WNT3A: variants seen among roughly 807,000 people sequenced by gnomAD.
WNT3A encodes protein Wnt-3a.
WNT3A carries 17 observed loss-of-function variants against 37.0 expected under a neutral mutation model. That is an observed-to-expected ratio of 0.46 (90% CI 0.31 to 0.69). The LOEUF (loss-of-function observed/expected upper bound fraction) is 0.69, where lower values mean the gene tolerates loss of function less well. Ranked by LOEUF, WNT3A falls within the 30% of genes least tolerant of loss-of-function variation. The pLI is 0.05. For synonymous variants in WNT3A, 187 were observed against 211.0 expected (o/e 0.89, Z 0.99); for missense variants, 411 against 510.2 (o/e 0.81, Z 1.87).
intron 2 of WNT3A, among the ~76,000 whole-genome samples, chr1:228,023,172 G>A (rs1395639860): frequency 6.6e-6 from 1 of 152,238 alleles, no homozygotes; most frequent in Non-Finnish European, 1.5e-5. Context: ...GCCAGTGGCG[G>A]GGCTGCTCCC....
At chr1:228,040,389 C>T (rs968251203) in intron 2 of WNT3A, among the ~76,000 whole-genome samples, 5 of 152,194 alleles carry the variant, frequency 3.3e-5, no homozygotes, top group Non-Finnish European at 7.3e-5. Context: ...ACCTTCTGAG[C>T]AAACACCTGT....
intron 1 of WNT3A, among the ~76,000 whole-genome samples, chr1:228,016,578 C>T (rs1745417): frequency 0.49 from 74,280 of 152,020 alleles, 18,614 homozygotes; most frequent in Middle Eastern, 0.63. Flanking sequence ...GTGTGACTTG[C>T]GCCATTTATC....
At position 228,059,526 on chromosome 1, in the gene WNT3A, G is replaced by A. The variant is rs2031752102; in HGVS notation, c.*61G>A. On this transcript the variant is annotated 3_prime_UTR_variant, in exon 4 of 4. Coordinates refer to ENST00000284523, the MANE Select transcript of WNT3A (RefSeq NM_033131.4). ...CTGCCTGAGGGTGGGCTTTTCCCTG[G>A]GTGGAGCAGGACTCCCACCTAAACG... 1 of 1,448,896 alleles carries A rather than the reference G, an allele frequency of 6.9e-7. No individual in the cohort carries two copies. Among genetic ancestry groups the A allele is most frequent in the South Asian group, 1.5e-5 (1 of 68,952 alleles). The allele number at this position is 1,448,896 out of a possible 1,614,324, so 89.8% of individuals were successfully genotyped here.
chr1:228,059,495 C>A lies in WNT3A; in HGVS notation c.*30C>A, dbSNP rs148630829. ...CGGCCGCGGCTCCCCCTGGACGGGG[C>A]GGGCCCTGCCTGAGGGTGGGCTTTT... On this transcript the variant is annotated 3_prime_UTR_variant, in exon 4 of 4. Transcript: ENST00000284523. 10,020 of 1,468,266 alleles carry A rather than the reference C, an allele frequency of 6.8e-3. 74 individuals are homozygous for A. The highest frequency in any genetic ancestry group is 7.0e-3 in the Non-Finnish European group (7,782 of 1,117,690). The allele number at this position is 1,468,266 out of a possible 1,614,324, so 91.0% of individuals were successfully genotyped here. A position where few individuals can be genotyped will look rare whatever the true frequency, so the allele number is the denominator to read the frequency against.
intron 1 of WNT3A, among the ~76,000 whole-genome samples, chr1:228,017,605 T>C (rs1009144362): frequency 2.0e-5 from 3 of 152,096 alleles, no homozygotes; most frequent in African/African-American, 7.2e-5. Flanking sequence ...TCCAACTACT[T>C]GGGAGGCTGA....
chr1:228,058,359 C>G (rs144082362), intron 3 of WNT3A, among the ~76,000 whole-genome samples: 1 of 151,090 alleles, frequency 6.6e-6, no homozygotes, highest in African/African-American at 2.4e-5. Context: ...TGCCCCTTCA[C>G]GCTCACCCCT....
rs370330672 is a variant in WNT3A at position 228,059,555 on chromosome 1, C to A, written c.*90C>A. The A allele has an allele frequency of 7.1e-7, 1 of 1,412,560 alleles. No individual in the cohort carries two copies. The highest frequency in any genetic ancestry group is 9.2e-7 in the Non-Finnish European group (1 of 1,089,858). 87.5% of individuals were successfully genotyped at this position (1,412,560 alleles called of 1,614,324 possible). A position where few individuals can be genotyped will look rare whatever the true frequency, so the allele number is the denominator to read the frequency against. On this transcript the variant is annotated 3_prime_UTR_variant, in exon 4 of 4. Transcript: ENST00000284523. ...GAGCAGGACTCCCACCTAAACGGGG[C>A]AGTACTCCTCCCTGGGGGCGGGACT...
intron 3 of WNT3A, among the ~76,000 whole-genome samples, chr1:228,052,079 G>A (rs979969383): frequency 2.6e-5 from 4 of 152,140 alleles, no homozygotes; most frequent in Admixed American, 2.6e-4. Context: ...TCCCATTCAC[G>A]ATGCTCCACC....
At position 228,039,192 on chromosome 1, in the gene WNT3A, G is replaced by T. The variant is rs957686356; in HGVS notation, c.314-11464G>T. On this transcript the variant is annotated intron_variant, in intron 2 of 3. Transcript: ENST00000284523. The surrounding 1 kb of genome is among the most constrained non-coding windows in gnomAD (Gnocchi z 4.1). ...TGGAGGGCCCCAGGAGGCATGGCCA[G>T]GTGAGCATGGGTCAACATCAAGAAG... is the stretch of plus-strand genomic sequence containing the variant. 5.3e-5 allele frequency among the ~76,000 whole-genome samples: 8 copies of T among 152,164 alleles called. No individual in the cohort carries two copies. Among genetic ancestry groups the T allele is most frequent in the African/African-American group, 1.9e-4 (8 of 41,434 alleles).
chr1:228,018,499 C>T (rs1169407837), intron 1 of WNT3A, among the ~76,000 whole-genome samples: 3 of 151,328 alleles, frequency 2.0e-5, no homozygotes, highest in Admixed American at 6.6e-5. Flanking sequence ...CTCAAGTGAT[C>T]CTCCCACCTC....
At chr1:228,040,013 C>T (rs975881379) in intron 2 of WNT3A, among the ~76,000 whole-genome samples, 3 of 152,194 alleles carry the variant, frequency 2.0e-5, no homozygotes, top group African/African-American at 7.2e-5. Context: ...CTCCTCTCGC[C>T]CTGTATCAGC....
At chr1:228,047,607 C>G (rs1244899364) in intron 2 of WNT3A, among the ~76,000 whole-genome samples, 1 of 152,130 alleles carries the variant, frequency 6.6e-6, no homozygotes, top group Non-Finnish European at 1.5e-5. Context: ...TTAGGCCATT[C>G]TTGCATTGCT....
chr1:228,029,530 C>A (rs1005014042), intron 2 of WNT3A, among the ~76,000 whole-genome samples: 3 of 152,154 alleles, frequency 2.0e-5, no homozygotes, highest in African/African-American at 7.2e-5. Flanking sequence ...AAAGTCCTCC[C>A]AGGGACCTTG....
intron 3 of WNT3A, among the ~76,000 whole-genome samples, chr1:228,054,704 A>G (rs1419220317): frequency 6.7e-6 from 1 of 149,774 alleles, no homozygotes; most frequent in Admixed American, 6.6e-5. Context: ...CTGATGACAC[A>G]GTGAGTTAAA....
Position 228,016,681 on chromosome 1 carries a change from G to A in WNT3A, c.72-5986G>A, listed in dbSNP as rs559783843. Among the ~76,000 whole-genome samples the A allele has an allele frequency of 6.6e-5, 10 of 152,250 alleles. No homozygotes were observed. In the South Asian group the frequency reaches 2.1e-3, roughly 32 times the overall value. On this transcript the variant is annotated intron_variant, in intron 1 of 3. Coordinates refer to ENST00000284523, the MANE Select transcript of WNT3A (RefSeq NM_033131.4). ...TTGCTATAAAGGAATGCCTGAGACT[G>A]GAAAGAAAAAAGGTTTAATTGGCTT... is the stretch of plus-strand genomic sequence containing the variant.
intron 2 of WNT3A, among the ~76,000 whole-genome samples, chr1:228,045,445 C>T (rs905324568): frequency 1.1e-4 from 17 of 152,186 alleles, no homozygotes; most frequent in Non-Finnish European, 1.5e-5. Context: ...CTCCTCAACT[C>T]TACCTCTCAA....
intron 3 of WNT3A, among the ~76,000 whole-genome samples, chr1:228,056,057 G>A (rs2031679267): frequency 1.3e-5 from 2 of 152,164 alleles, no homozygotes; most frequent in African/African-American, 4.8e-5. Context: ...TCTGCTCTGG[G>A]GACTCTGACC....
At position 228,007,047 on chromosome 1, in the gene WNT3A, C is replaced by T; in HGVS notation, c.-82C>T. 9.3e-7 allele frequency: 1 copy of T among 1,075,368 alleles called. No homozygotes were observed. 66.6% of individuals were successfully genotyped at this position (1,075,368 alleles called of 1,614,324 possible). Reference sequence around the variant, plus strand: ...GCAGGAGGGCCCAGCGACGCCGCCGCGCCAGCTCCCAGGGCCCGGCCCCCC... The same window carrying T: ...GCAGGAGGGCCCAGCGACGCCGCCGTGCCAGCTCCCAGGGCCCGGCCCCCC... On this transcript the variant is annotated 5_prime_UTR_variant, in exon 1 of 4. Transcript: ENST00000284523. This position sits in a 1 kb window ranked among gnomAD's most constrained non-coding sequence, Gnocchi z 6.0.
intron 2 of WNT3A, among the ~76,000 whole-genome samples, chr1:228,045,865 C>G (rs1052169709): frequency 6.6e-6 from 1 of 152,206 alleles, no homozygotes; most frequent in Non-Finnish European, 1.5e-5. Flanking sequence ...ACGGCTCCTG[C>G]CTTTCATTCT....
Sources: gnomAD v4.1 joint callset for allele counts (sites outside exome capture counted in the v4.1 genomes callset) on GRCh38, gnomAD v4.1.1 for gene constraint, Gnocchi (gnomAD v3.1) non-coding constraint, MANE v1.5 for transcripts, NCBI Gene and HGNC (gene_info 2026-07-23, HGNC 2026-07-21) for gene names.